The following EPB41L3 variants were observed in gnomAD, a reference collection of about 807,000 sequenced individuals.
EPB41L3 encodes band 4.1-like protein 3.
In EPB41L3, 57 loss-of-function variants were observed where a neutral mutation model predicts 127.1. The ratio of observed to expected loss-of-function variants is 0.45; its 90% confidence interval spans 0.36 to 0.56. The LOEUF (loss-of-function observed/expected upper bound fraction) is 0.56. Ranked by LOEUF, EPB41L3 falls within the 20% of genes least tolerant of loss-of-function variation. The probability of loss-of-function intolerance (pLI) is 0.00; values close to 1 mark genes in which losing one functional copy is unlikely to be tolerated. For synonymous variants in EPB41L3, 572 were observed against 549.5 expected, an observed-to-expected ratio of 1.04 and a Z score of -0.57; for missense variants, 1,273 against 1,372.2, an observed-to-expected ratio of 0.93 and a Z score of 1.14.
chr18:5,525,544 A>G (rs1568497704), intron 1 of EPB41L3, among the ~76,000 whole-genome samples: 1 of 152,210 alleles, frequency 6.6e-6, no homozygotes, highest in Non-Finnish European at 1.5e-5. Context: ...AATATTAGTA[A>G]GTTACTGAGC....
chr18:5,608,337 C>G (rs981704252), intron 3 of EPB41L3, among the ~76,000 whole-genome samples: 1 of 151,948 alleles, frequency 6.6e-6, no homozygotes, highest in African/African-American at 2.4e-5. Context: ...CAGCTAGCAA[C>G]GTATACATGC....
At chr18:5,627,765 A>G (rs2094938050) in intron 1 of EPB41L3, among the ~76,000 whole-genome samples, 1 of 152,208 alleles carries the variant, frequency 6.6e-6, no homozygotes, top group South Asian at 2.1e-4. Flanking sequence ...TTAACATTCC[A>G]CTAAGAGCTG....
intron 16 of EPB41L3, chr18:5,398,995 T>C (rs906645917): frequency 7.5e-6 from 3 of 399,022 alleles, no homozygotes; most frequent in African/African-American, 4.1e-5. Context: ...TCAGCGAGGG[T>C]TTCCAGGACC....
At chr18:5,504,632 G>T (rs975776109) in intron 1 of EPB41L3, among the ~76,000 whole-genome samples, 15 of 152,184 alleles carry the variant, frequency 9.9e-5, no homozygotes, top group Non-Finnish European at 2.9e-5. Flanking sequence ...CCACAGATGA[G>T]CATCTGCTCT....
chr18:5,605,261 T>A (rs1441339387), intron 3 of EPB41L3, among the ~76,000 whole-genome samples: 3 of 152,178 alleles, frequency 2.0e-5, no homozygotes, highest in African/African-American at 7.2e-5. Flanking sequence ...ATCAACACCT[T>A]GGCCACCCAT....
intron 1 of EPB41L3, among the ~76,000 whole-genome samples, chr18:5,523,677 T>G (rs1391325583): frequency 2.0e-5 from 3 of 151,962 alleles, no homozygotes; most frequent in African/African-American, 7.3e-5. Flanking sequence ...CCCAGCTACC[T>G]GGGAGGCTGA....
chr18:5,462,732 G>A (rs11876294), intron 3 of EPB41L3, among the ~76,000 whole-genome samples: 6 of 152,204 alleles, frequency 3.9e-5, no homozygotes, highest in Admixed American at 6.5e-5. Flanking sequence ...TTGCTCATTC[G>A]CTCACTACCT....
At chr18:5,594,425 A>T (rs2094517498) in intron 3 of EPB41L3, among the ~76,000 whole-genome samples, 1 of 152,224 alleles carries the variant, frequency 6.6e-6, no homozygotes, top group Non-Finnish European at 1.5e-5. Context: ...GTGTGACCTC[A>T]TTTTAAGAGG....
At chr18:5,516,658 G>T (rs2092763204) in intron 1 of EPB41L3, among the ~76,000 whole-genome samples, 1 of 152,176 alleles carries the variant, frequency 6.6e-6, no homozygotes, top group African/African-American at 2.4e-5. Flanking sequence ...TAAATTCATT[G>T]CAGGATTGGC....
chr18:5,613,634 T>C (rs2094756745), intron 2 of EPB41L3, among the ~76,000 whole-genome samples: 1 of 152,188 alleles, frequency 6.6e-6, no homozygotes, highest in Non-Finnish European at 1.5e-5. Flanking sequence ...GAGACCTTAT[T>C]TGCCTTTTCA....
Position 5,485,561 on chromosome 18 carries a change from T to C in EPB41L3, c.183+3440A>G, listed in dbSNP as rs375850076. Reference sequence around the variant, plus strand: ...AAAGAAAGAAGTCAACTTAGTCTTGTTCACAGAAGACATAATTTTATACCT... The same window carrying C: ...AAAGAAAGAAGTCAACTTAGTCTTGCTCACAGAAGACATAATTTTATACCT... On this transcript the variant is annotated intron_variant, in intron 2 of 22. Transcript: ENST00000341928. 2.0e-5 allele frequency among the ~76,000 whole-genome samples: 3 copies of C among 152,138 alleles called. No homozygotes were observed. The South Asian group carries it at 6.2e-4, about 32-fold the overall frequency.
At chr18:5,567,518 C>T (rs1406909627) in intron 3 of EPB41L3, 5 of 151,938 alleles carry the variant, frequency 3.3e-5, no homozygotes, top group Non-Finnish European at 7.4e-5. Context: ...TTCTATCCAT[C>T]CAGTTTTGTA....
intron 1 of EPB41L3, among the ~76,000 whole-genome samples, chr18:5,504,912 T>C (rs2092027931): frequency 6.6e-6 from 1 of 152,238 alleles, no homozygotes; most frequent in Non-Finnish European, 1.5e-5. Flanking sequence ...TCCAGTGCCC[T>C]TGAACGTGCT....
chr18:5,539,534 C>T (rs567531542), intron 1 of EPB41L3: 3 of 152,252 alleles, frequency 2.0e-5, no homozygotes, highest in South Asian at 2.1e-4. Flanking sequence ...CAATTTGTTT[C>T]TTCTTTATGC....
intron 15 of EPB41L3, 52 bp downstream of exon 15, chr18:5,407,649 A>T (rs2075623880): frequency 6.3e-7 from 1 of 1,581,234 alleles, no homozygotes; most frequent in African/African-American, 1.3e-5. Flanking sequence ...ATGACTTATC[A>T]CACACTGTTG....
intron 3 of EPB41L3, among the ~76,000 whole-genome samples, chr18:5,588,520 T>G (rs937026927): frequency 9.3e-5 from 13 of 140,216 alleles, no homozygotes; most frequent in African/African-American, 3.3e-4. Context: ...GTGTATTATG[T>G]GTATGTAAAT....
chr18:5,577,382 C>T (rs1213098810), intron 3 of EPB41L3: 24 of 452,716 alleles, frequency 5.3e-5, no homozygotes, highest in Admixed American at 2.4e-5. Context: ...TGAAAGATGG[C>T]ATGCTGCAGT....
At chr18:5,519,344 A>G (rs909333506) in intron 1 of EPB41L3, among the ~76,000 whole-genome samples, 11 of 152,186 alleles carry the variant, frequency 7.2e-5, no homozygotes, top group African/African-American at 2.7e-4. Flanking sequence ...CTTGTCCTTC[A>G]GTGCTGTCCC....
intron 3 of EPB41L3, among the ~76,000 whole-genome samples, chr18:5,580,790 C>A (rs1356666699): frequency 6.6e-6 from 1 of 152,226 alleles, no homozygotes; most frequent in African/African-American, 2.4e-5. Context: ...TCGTCTCCCT[C>A]CAGCACATAT....
Sources: allele counts gnomAD v4.1 joint callset (sites outside exome capture counted in the v4.1 genomes callset), GRCh38; gene constraint gnomAD v4.1.1; transcripts MANE v1.5; gene names NCBI Gene and HGNC (gene_info 2026-07-23, HGNC 2026-07-21).